The following GABRB1 variants were observed in gnomAD, a reference collection of about 807,000 sequenced individuals.
GABRB1 encodes gamma-aminobutyric acid receptor subunit beta-1.
In GABRB1, 17 loss-of-function variants were observed where a neutral mutation model predicts 51.6. The observed-to-expected ratio is 0.33, with a 90% CI of 0.23 to 0.49. The LOEUF is 0.49. Among genes scored for constraint, GABRB1 ranks in the 20% least tolerant of loss-of-function variants. The pLI, the probability that GABRB1 is intolerant of heterozygous loss-of-function variation, is 0.99. For missense variants in GABRB1, 410 were observed against 600.6 expected, an observed-to-expected ratio of 0.68 and a Z score of 3.32; for synonymous variants, 247 against 218.9, an observed-to-expected ratio of 1.13 and a Z score of -1.14.
chr4:47,141,564 T>G (rs1365513387), intron 3 of GABRB1, among the ~76,000 whole-genome samples: 1 of 151,968 alleles, frequency 6.6e-6, no homozygotes, highest in Non-Finnish European at 1.5e-5. Context: ...CTTGCCTTAT[T>G]CTTATTTGCC....
chr4:47,267,152 G>T (rs1031499322), intron 4 of GABRB1, among the ~76,000 whole-genome samples: 2 of 151,676 alleles, frequency 1.3e-5, no homozygotes, highest in African/African-American at 4.9e-5. Flanking sequence ...AGACAGAGGG[G>T]GTAAATAGAA....
intron 4 of GABRB1, among the ~76,000 whole-genome samples, chr4:47,290,279 T>C (rs1172669584): frequency 2.6e-5 from 4 of 152,178 alleles, no homozygotes; most frequent in Non-Finnish European, 5.9e-5. Flanking sequence ...ATCTGATGGT[T>C]ATTGTAAGAG....
chr4:47,078,833 C>T (rs574355589), intron 3 of GABRB1, among the ~76,000 whole-genome samples: 6 of 152,262 alleles, frequency 3.9e-5, no homozygotes, highest in African/African-American at 1.4e-4. Context: ...CCTCCAATTC[C>T]TCTTTTCCAT....
rs73813166 is a variant in GABRB1, at chr4:47,106,934, T to C, written c.241-54315T>C. ...TGTTCTATGGGTAACTGCTTCTCAT[T>C]CTGTCCTCTTCTCCATCTCACCATG... On this transcript the variant is annotated intron_variant, in intron 3 of 8. Coordinates refer to ENST00000295454, the MANE Select transcript of GABRB1 (RefSeq NM_000812.4). 3.9e-4 allele frequency among the ~76,000 whole-genome samples: 59 copies of C among 152,232 alleles called. 1 individual carries two copies. Among genetic ancestry groups the C allele is most frequent in the African/African-American group, 1.3e-3 (55 of 41,552 alleles).
At chr4:47,030,397 G>A (rs1560502102), upstream of GABRB1, among the ~76,000 whole-genome samples, 2 of 152,124 alleles carry the variant, frequency 1.3e-5, no homozygotes, top group Non-Finnish European at 2.9e-5. Flanking sequence ...CTAGTTAGAA[G>A]CTAATTTTTA....
chr4:47,079,618 G>A (rs977832451), intron 3 of GABRB1, among the ~76,000 whole-genome samples: 3 of 151,918 alleles, frequency 2.0e-5, no homozygotes, highest in East Asian at 3.9e-4. Flanking sequence ...ACAACAATAG[G>A]CTGGATTAAG....
chr4:47,241,399 C>G (rs1721515621), intron 4 of GABRB1, among the ~76,000 whole-genome samples: 1 of 152,132 alleles, frequency 6.6e-6, no homozygotes, highest in South Asian at 2.1e-4. Flanking sequence ...ACAAGAGGCC[C>G]TTGTCATATG....
At chr4:47,407,531 T>C (rs1728618052) in intron 8 of GABRB1, among the ~76,000 whole-genome samples, 1 of 152,240 alleles carries the variant, frequency 6.6e-6, no homozygotes, top group Non-Finnish European at 1.5e-5. Context: ...GATCTGTTTA[T>C]TCTTTAAAAA....
intron 3 of GABRB1, among the ~76,000 whole-genome samples, chr4:47,140,554 C>T (rs1173552717): frequency 6.6e-6 from 1 of 151,848 alleles, no homozygotes; most frequent in East Asian, 1.9e-4. Flanking sequence ...GAAGTAAAAA[C>T]AGTATCTTGG....
At chr4:47,069,372 C>T (rs1727217417) in intron 3 of GABRB1, among the ~76,000 whole-genome samples, 1 of 152,164 alleles carries the variant, frequency 6.6e-6, no homozygotes, top group Admixed American at 6.5e-5. Context: ...CTCCTTTTGC[C>T]ATTCTGTTCA....
At chr4:47,219,281 G>C (rs1720675900) in intron 4 of GABRB1, among the ~76,000 whole-genome samples, 1 of 151,854 alleles carries the variant, frequency 6.6e-6, no homozygotes, top group Non-Finnish European at 1.5e-5. Flanking sequence ...AATTGGCTGA[G>C]TTAATATGAG....
intron 4 of GABRB1, among the ~76,000 whole-genome samples, chr4:47,214,592 T>C (rs909713212): frequency 6.6e-5 from 10 of 152,178 alleles, no homozygotes; most frequent in African/African-American, 2.4e-4. Flanking sequence ...TTTCAACAAA[T>C]AAATACCAAT....
At chr4:47,359,744 A>G (rs979598008) in intron 5 of GABRB1, among the ~76,000 whole-genome samples, 1 of 152,226 alleles carries the variant, frequency 6.6e-6, no homozygotes, top group Non-Finnish European at 1.5e-5. Context: ...TAAAAATTTC[A>G]GACAAAACCC....
At chr4:47,163,144 T>C (rs1199819521) in intron 4 of GABRB1, among the ~76,000 whole-genome samples, 9 of 152,084 alleles carry the variant, frequency 5.9e-5, no homozygotes, top group Admixed American at 5.9e-4. Flanking sequence ...GAACAAATTA[T>C]GTAAATTTGT....
intron 5 of GABRB1, among the ~76,000 whole-genome samples, chr4:47,368,732 A>T (rs1245426902): frequency 2.0e-5 from 3 of 152,092 alleles, no homozygotes; most frequent in Non-Finnish European, 4.4e-5. Flanking sequence ...TATGAATGTT[A>T]ATAGTCTCAG....
chr4:47,145,941 T>A (rs1454684923), intron 3 of GABRB1, among the ~76,000 whole-genome samples: 1 of 152,088 alleles, frequency 6.6e-6, no homozygotes, highest in Non-Finnish European at 1.5e-5. Flanking sequence ...GCCTTTTTTT[T>A]CTTCTTAAAA....
chr4:47,331,838 AG>A (rs1383387754), intron 5 of GABRB1, among the ~76,000 whole-genome samples: 2 of 152,208 alleles, frequency 1.3e-5, no homozygotes, highest in African/African-American at 2.4e-5. Context: ...CCATCAAGGT[AG>A]TAACTAGCTT....
intron 4 of GABRB1, among the ~76,000 whole-genome samples, chr4:47,246,299 T>C (rs866369596): frequency 0.015 from 1,240 of 84,024 alleles, 39 homozygotes; most frequent in African/African-American, 0.026. Context: ...TATATATATA[T>C]ACACACACAC....
In GABRB1 at chr4:47,341,457, G is replaced by A. The variant is rs541953156; in HGVS notation, c.544+21248G>A. 9.2e-5 allele frequency among the ~76,000 whole-genome samples: 14 copies of A among 152,274 alleles called. No homozygotes were observed. In the South Asian group the frequency reaches 2.7e-3, roughly 29 times the overall value. ...CCTCATAAACATCTAGCAAGTAAAG[G>A]TGGGTAATTTTTCTCTTTTCATTAC... On this transcript the variant is annotated intron_variant, in intron 5 of 8. Transcript: ENST00000295454.
Sources: gnomAD v4.1 joint callset for allele counts (sites outside exome capture counted in the v4.1 genomes callset) on GRCh38, gnomAD v4.1.1 for gene constraint, MANE v1.5 for transcripts, NCBI Gene and HGNC (gene_info 2026-07-23, HGNC 2026-07-21) for gene names.